The following ITIH6 variants were observed in gnomAD, a reference collection of about 807,000 sequenced individuals.
The protein encoded by ITIH6 is inter-alpha-trypsin inhibitor heavy chain family member 6.
In ITIH6, 60 loss-of-function variants were observed where a neutral mutation model predicts 58.2. That is an observed-to-expected ratio of 1.03 (90% CI 0.84 to 1.28). The LOEUF (loss-of-function observed/expected upper bound fraction) is 1.28, where lower values mean the gene tolerates loss of function less well. ITIH6 is among the 50% of genes most tolerant of loss of function. ITIH6 has a pLI of 0.00. For missense variants in ITIH6, 1,290 were observed against 1,021.1 expected (o/e 1.26, Z -3.59); for synonymous variants, 493 against 417.4 (o/e 1.18, Z -2.21).
At chrX:54,787,722 G>A (rs938065177) in intron 5 of ITIH6, 3 of 111,820 alleles carry the variant, frequency 2.7e-5, no homozygotes, top group Non-Finnish European at 5.6e-5. Flanking sequence ...GGAACACGAG[G>A]ATGCTGAGCA....
Position 54,758,502 on chromosome X carries a change from G to T in ITIH6, c.1572C>A (p.Gly524=). Residue 524 remains glycine, a synonymous_variant, in exon 8 of 13, where the codon GGC becomes GGA. Transcript: ENST00000218436. ...QELGIHLAAR[G]PKDQLLVAHH... ...GGGCCACAAGAAGCTGATCCTTGGG[G>T]CCACGGGCTGCCAGGTGGATGCCCA... 8.3e-7 allele frequency: 1 copy of T among 1,210,012 alleles called. No homozygotes were observed. The highest frequency in any genetic ancestry group is 1.1e-6 in the Non-Finnish European group (1 of 894,766).
intron 6 of ITIH6, among the ~76,000 whole-genome samples, chrX:54,762,552 A>C (rs780482286): frequency 1.3e-4 from 14 of 111,720 alleles, no homozygotes; most frequent in Non-Finnish European, 2.3e-4. Context: ...TATGCTCTTT[A>C]GATAGCATAC....
rs1175149108 is a variant in ITIH6 at position 54,788,566 on chromosome X, G to A, written c.700C>T (p.Gln234Ter). Residue 234 changes from glutamine (Q) to a stop codon, truncating the protein, a stop_gained, in exon 5 of 13, where the codon CAG becomes TAG. Coordinates refer to ENST00000218436, the MANE Select transcript of ITIH6 (RefSeq NM_198510.3). LOFTEE classifies it high-confidence loss of function. ...RITYCPTLQD[Q>*]SSISGSGIMA... is the part of the protein sequence containing the mutation. ...ATGCCTGACCCAGAGATGGACGACT[G>A]GTCTTGCAATGTCGGGCAGTAGGTG... The A allele has an allele frequency of 8.3e-7, 1 of 1,207,319 alleles. No individual in the cohort carries two copies. The highest frequency in any genetic ancestry group is 1.1e-6 in the Non-Finnish European group (1 of 893,284).
At chrX:54,792,795 G>A (rs1241154411) in intron 2 of ITIH6, among the ~76,000 whole-genome samples, 1 of 111,900 alleles carries the variant, frequency 8.9e-6, no homozygotes, top group East Asian at 2.8e-4. Context: ...CAAGTCTTCA[G>A]GAAAGGGTCC....
At chrX:54,774,969 G>A (rs1334561584) in intron 5 of ITIH6, among the ~76,000 whole-genome samples, 5 of 111,589 alleles carry the variant, frequency 4.5e-5, no homozygotes, top group Non-Finnish European at 9.4e-5. Context: ...CTCTGCCCAG[G>A]GCCACAGGCT....
intron 6 of ITIH6, 44 bp downstream of exon 6, chrX:54,774,037 C>A (rs1929005522): frequency 2.5e-6 from 2 of 804,376 alleles, no homozygotes; most frequent in Non-Finnish European, 3.6e-6. Context: ...CTTTCTGGGT[C>A]TTCTGATACT....
intron 6 of ITIH6, among the ~76,000 whole-genome samples, chrX:54,770,533 C>T (rs1340465868): frequency 3.6e-5 from 4 of 112,456 alleles, no homozygotes; most frequent in Non-Finnish European, 5.6e-5. Flanking sequence ...TTTAGCAGTT[C>T]CCTTAGAGTT....
chrX:54,787,244 C>T (rs1434261113), intron 5 of ITIH6: 1 of 112,345 alleles, frequency 8.9e-6, no homozygotes, highest in Non-Finnish European at 1.9e-5. Flanking sequence ...CAGACTGAGC[C>T]ACACCTCTGT....
chrX:54,795,533 C>A (rs1023065348), intron 2 of ITIH6, among the ~76,000 whole-genome samples: 18 of 111,709 alleles, frequency 1.6e-4, no homozygotes, highest in African/African-American at 4.9e-4. Context: ...CTTTCTCTGC[C>A]TCTCACATCT....
At chrX:54,753,340 T>C in intron 11 of ITIH6, among the ~76,000 whole-genome samples, 1 of 112,927 alleles carries the variant, frequency 8.9e-6, no homozygotes, top group Middle Eastern at 4.6e-3. Context: ...TGATGGAGCT[T>C]ATGTTGAGAA....
Position 54,757,674 on chromosome X carries a change from C to T in ITIH6, c.2400G>A (p.Gln800=). ...SHPQLGALTS[Q]APKGLPQSRP... ...TTGACTGTGGCAGGCCTTTAGGTGCCTGTGATGTGAGTGCCCCAAGTTGGG... is the reference window on the plus strand; with the variant it reads ...TTGACTGTGGCAGGCCTTTAGGTGCTTGTGATGTGAGTGCCCCAAGTTGGG... The change falls in exon 8 of 13, where the codon CAG becomes CAA. Residue 800 remains glutamine, a synonymous_variant. Transcript: ENST00000218436. The T allele has an allele frequency of 8.3e-7, 1 of 1,211,109 alleles. No individual in the cohort carries two copies. The highest frequency in any genetic ancestry group is 1.1e-6 in the Non-Finnish European group (1 of 895,210).
At chrX:54,753,586 C>T in intron 11 of ITIH6, 65 bp downstream of exon 11, 1 of 800,172 alleles carries the variant, frequency 1.2e-6, no homozygotes, top group Non-Finnish European at 1.9e-6. Flanking sequence ...CCACAAATGT[C>T]TAGGGGTATT....
chrX:54,795,715 C>T (rs1929429412), intron 2 of ITIH6, among the ~76,000 whole-genome samples: 1 of 112,014 alleles, frequency 8.9e-6, no homozygotes, highest in African/African-American at 3.2e-5. Context: ...TTTCAAGCCT[C>T]AGTTTAGGTG....
At chrX:54,780,872 A>G (rs1003959338) in intron 5 of ITIH6, among the ~76,000 whole-genome samples, 7 of 111,569 alleles carry the variant, frequency 6.3e-5, no homozygotes, top group Non-Finnish European at 1.1e-4. Context: ...AATGCCTACT[A>G]TGAGCAATTA....
At chrX:54,750,130 A>T (rs754709509) in intron 12 of ITIH6, 24 bp from the exon 13 acceptor site, 2 of 1,142,226 alleles carry the variant, frequency 1.8e-6, no homozygotes, top group Non-Finnish European at 2.4e-6. Context: ...ATGCAGTGCT[A>T]GTCAGGGAGG....
chrX:54,792,035 T>A lies in ITIH6; in HGVS notation c.259A>T (p.Thr87Ser). The part of the protein sequence containing the change: ...HLAFISNFTM[T>S]INNKVYIAEV... ...GCAATGTAGACTTTATTGTTGATGGTCCTAATGGGGCAGGAAAGAGGAGGG... is the reference window on the plus strand; with the variant it reads ...GCAATGTAGACTTTATTGTTGATGGACCTAATGGGGCAGGAAAGAGGAGGG... The change falls in exon 3 of 13, where the codon ACC becomes TCC. Residue 87 changes from threonine (T) to serine (S), a missense_variant and splice_region_variant. Physicochemically the swap from Thr to Ser is moderately conservative, Grantham distance 58. Coordinates refer to ENST00000218436, the MANE Select transcript of ITIH6 (RefSeq NM_198510.3). 2 of 1,187,274 alleles carry A rather than the reference T, an allele frequency of 1.7e-6. No homozygotes were observed. Among genetic ancestry groups the A allele is most frequent in the Non-Finnish European group, 2.3e-6 (2 of 873,820 alleles).
Position 54,767,248 on chromosome X carries a change from T to C in ITIH6, c.903+6833A>G, listed in dbSNP as rs1399870972. 2.8e-5 allele frequency among the ~76,000 whole-genome samples: 3 copies of C among 105,265 alleles called. No homozygotes were observed. The East Asian group carries it at 9.0e-4, about 32-fold the overall frequency. 91.4% of individuals were successfully genotyped at this position (105,265 alleles called of 115,157 possible). ...ATCGGTGGTGATATCCCCTTTATCA[T>C]TTTTTATTGTGTCTATTTGATTCTT... is the stretch of plus-strand genomic sequence containing the variant. On this transcript the variant is annotated intron_variant, in intron 6 of 12. Coordinates refer to ENST00000218436, the MANE Select transcript of ITIH6 (RefSeq NM_198510.3).
In ITIH6 at chrX:54,756,995, A is replaced by C. The variant is rs750223345; in HGVS notation, c.3079T>G (p.Phe1027Val). ...TCATCAGGAGTGAGGAAGGTATAGA[A>C]AGCTGGTGGGTTCAAGGACTCCACG... ...KFVESLNPPA[F>V]YTFLTPDEDG... The change falls in exon 8 of 13, where the codon TTC becomes GTC. Residue 1027 changes from phenylalanine to valine, a missense_variant. Phe to Val is a conservative substitution (Grantham distance 50). Transcript: ENST00000218436. The C allele has an allele frequency of 1.1e-5, 13 of 1,198,688 alleles. No homozygotes were observed. Among genetic ancestry groups the C allele is most frequent in the Non-Finnish European group, 1.5e-5 (13 of 889,105 alleles).
At chrX:54,778,135 A>G (rs1929085569) in intron 5 of ITIH6, among the ~76,000 whole-genome samples, 1 of 111,482 alleles carries the variant, frequency 9.0e-6, no homozygotes, top group East Asian at 2.8e-4. Flanking sequence ...GCAATAATTT[A>G]AAAGAATCAA....
Sources: gnomAD v4.1 joint callset for allele counts (sites outside exome capture counted in the v4.1 genomes callset) on GRCh38, gnomAD v4.1.1 for gene constraint, MANE v1.5 for transcripts, NCBI Gene and HGNC (gene_info 2026-07-23, HGNC 2026-07-21) for gene names.